The following GARIN2 variants were observed in gnomAD, a reference collection of about 807,000 sequenced individuals.
The protein encoded by GARIN2 is Golgi-associated RAB2 interactor protein 2.
At chr14:67,190,440 C>T in the GARIN2 span, among the ~76,000 whole-genome samples, 1 of 152,022 alleles carries the variant, frequency 6.6e-6, no homozygotes, top group Admixed American at 6.6e-5. Flanking sequence ...CCAGGCTGGT[C>T]TCGAACTCCT....
chr14:67,193,628 T>TAG, the GARIN2 span, among the ~76,000 whole-genome samples: 1 of 146,648 alleles, frequency 6.8e-6, no homozygotes, highest in Non-Finnish European at 1.5e-5. Context: ...AATATATCTA[T>TAG]CTATATAGAT....
chr14:67,213,320 C>T, the GARIN2 span, among the ~76,000 whole-genome samples: 7 of 113,636 alleles, frequency 6.2e-5, no homozygotes, highest in Middle Eastern at 0.01. Flanking sequence ...CCCCCTCCCC[C>T]CACCCCACAA....
the GARIN2 span, chr14:67,204,607 G>A: frequency 1.9e-6 from 3 of 1,613,782 alleles, no homozygotes; most frequent in Non-Finnish European, 2.5e-6. Flanking sequence ...AGTAAAGCTG[G>A]TGAGTGGTCG....
At chr14:67,195,041 G>A in the GARIN2 span, among the ~76,000 whole-genome samples, 3 of 152,198 alleles carry the variant, frequency 2.0e-5, no homozygotes, top group African/African-American at 4.8e-5. Context: ...AGATGTTGGT[G>A]GGGTGAGGGG....
At chr14:67,205,065 A>G in the GARIN2 span, 1 of 1,551,210 alleles carries the variant, frequency 6.4e-7, no homozygotes, top group Non-Finnish European at 8.7e-7. Context: ...ACAATGACTT[A>G]ATCAGGGCCA....
the GARIN2 span, among the ~76,000 whole-genome samples, chr14:67,212,855 C>G: frequency 6.6e-6 from 1 of 151,364 alleles, no homozygotes. Flanking sequence ...GCTGCTTGAG[C>G]ACTGCATTTT....
chr14:67,198,153 G>A, the GARIN2 span: 8 of 1,608,438 alleles, frequency 5.0e-6, no homozygotes, highest in Admixed American at 8.5e-5. Flanking sequence ...ATGTTTATGT[G>A]CAAGCGCAAT....
the GARIN2 span, chr14:67,203,370 T>C: frequency 1.7e-6 from 2 of 1,210,298 alleles, no homozygotes; most frequent in Non-Finnish European, 2.3e-6. Flanking sequence ...ACGGAAACAC[T>C]GATGACAATT....
At chr14:67,194,026 G>C in the GARIN2 span, among the ~76,000 whole-genome samples, 1 of 150,754 alleles carries the variant, frequency 6.6e-6, no homozygotes, top group East Asian at 2.0e-4. Flanking sequence ...TGTAAAACTG[G>C]AAAGACATAT....
At chr14:67,227,133 A>G in the GARIN2 span, among the ~76,000 whole-genome samples, 1 of 152,180 alleles carries the variant, frequency 6.6e-6, no homozygotes, top group Non-Finnish European at 1.5e-5. Context: ...TTAAATTTTG[A>G]CTTATTAAAT....
chr14:67,204,986 GA>G, the GARIN2 span: 1 of 1,571,612 alleles, frequency 6.4e-7, no homozygotes, highest in African/African-American at 1.4e-5. Context: ...ATAGAAGTCA[GA>G]GAAGCCACGG....
the GARIN2 span, among the ~76,000 whole-genome samples, chr14:67,216,611 T>C: frequency 0.031 from 4,744 of 152,242 alleles, 86 homozygotes; most frequent in Non-Finnish European, 0.036. Flanking sequence ...TCTATTTCCA[T>C]TTGTATCAGT....
chr14:67,200,823 C>G, the GARIN2 span, among the ~76,000 whole-genome samples: 1 of 152,192 alleles, frequency 6.6e-6, no homozygotes, highest in Non-Finnish European at 1.5e-5. Context: ...TTTGCACACT[C>G]TAATAAAATT....
At chr14:67,227,069 G>A in the GARIN2 span, among the ~76,000 whole-genome samples, 1 of 152,136 alleles carries the variant, frequency 6.6e-6, no homozygotes, top group African/African-American at 2.4e-5. Context: ...AAATATTAGG[G>A]TCTCATTAAC....
At chr14:67,223,879 CAA>C in the GARIN2 span, 2 of 985,694 alleles carry the variant, frequency 2.0e-6, no homozygotes, top group Non-Finnish European at 2.4e-6. Flanking sequence ...CCAAGAAAAG[CAA>C]AGACTGGCTG....
chr14:67,224,885 G>A, the GARIN2 span: 1,028 of 381,940 alleles, frequency 2.7e-3, 14 homozygotes, highest in African/African-American at 0.021. Context: ...TAAAAAAGGA[G>A]GGAGCCCTCT....
the GARIN2 span, chr14:67,199,710 C>T: frequency 6.3e-7 from 1 of 1,583,402 alleles, no homozygotes; most frequent in Non-Finnish European, 8.7e-7. Flanking sequence ...GCACCTCCTT[C>T]ACCCTCTGCC....
the GARIN2 span, among the ~76,000 whole-genome samples, chr14:67,211,789 G>T: frequency 6.6e-6 from 1 of 152,016 alleles, no homozygotes; most frequent in South Asian, 2.1e-4. Context: ...AAGTTTTGGT[G>T]AGCATGATCA....
At chr14:67,214,778 T>C in the GARIN2 span, among the ~76,000 whole-genome samples, 1 of 152,192 alleles carries the variant, frequency 6.6e-6, no homozygotes, top group African/African-American at 2.4e-5. Context: ...TTTCACGATA[T>C]TGATTCTTCC....
Sources: gnomAD v4.1 joint callset for allele counts (sites outside exome capture counted in the v4.1 genomes callset) on GRCh38, gnomAD v4.1.1 for gene constraint, MANE v1.5 for transcripts, NCBI Gene and HGNC (gene_info 2026-07-23, HGNC 2026-07-21) for gene names.